WDR36: variants seen among roughly 807,000 people sequenced by gnomAD.
WDR36 encodes the protein WD repeat-containing protein 36.
In WDR36, 63 loss-of-function variants were observed where a neutral mutation model predicts 112.7. That is an observed-to-expected ratio of 0.56 (90% CI 0.46 to 0.69). The LOEUF is 0.69. Ranked by LOEUF, WDR36 falls within the 30% of genes least tolerant of loss-of-function variation. The probability of loss-of-function intolerance (pLI) is 0.00; values close to 1 mark genes in which losing one functional copy is unlikely to be tolerated. For synonymous variants in WDR36, 410 were observed against 362.2 expected, an observed-to-expected ratio of 1.13 and a Z score of -1.50; for missense variants, 1,226 against 1,070.3, an observed-to-expected ratio of 1.15 and a Z score of -2.03.
chr5:111,129,367 A>G lies in WDR36; in HGVS notation c.*2484A>G, dbSNP rs1753741035. On this transcript the variant is annotated 3_prime_UTR_variant, in exon 23 of 23. Transcript: ENST00000513710. ...AAGTTACAGTTCCCCTGAGCAAGAT[A>G]TGAGCATCTGCTTCCCCATGTAATT... 5.2e-6 allele frequency: 1 copy of G among 192,766 alleles called. No individual in the cohort carries two copies. The highest frequency in any genetic ancestry group is 1.9e-4 in the South Asian group (1 of 5,176). 11.9% of individuals were successfully genotyped at this position (192,766 alleles called of 1,614,324 possible). A position where few individuals can be genotyped will look rare whatever the true frequency, so the allele number is the denominator to read the frequency against.
chr5:111,117,216 C>T (rs1335837532), intron 16 of WDR36, among the ~76,000 whole-genome samples: 1 of 152,198 alleles, frequency 6.6e-6, no homozygotes, highest in Non-Finnish European at 1.5e-5. Context: ...GACAATTAAA[C>T]AGCAGTCCTT....
intron 1 of WDR36, among the ~76,000 whole-genome samples, chr5:111,093,197 TTAAAG>T (rs1286938593): frequency 1.3e-5 from 2 of 152,242 alleles, no homozygotes; most frequent in African/African-American, 2.4e-5. Context: ...ATATAATCTA[TTAAAG>T]TAAATTTCAG....
intron 14 of WDR36, 31 bp from the exon 15 acceptor site, chr5:111,111,139 T>A (rs756967516): frequency 4.1e-5 from 66 of 1,603,878 alleles, no homozygotes; most frequent in Non-Finnish European, 4.4e-5. Context: ...GGGTTTTTTG[T>A]TTATTAAAAC....
At position 111,104,340 on chromosome 5, in the gene WDR36, C is replaced by T. The variant is rs1350813234; in HGVS notation, c.894C>T (p.Asp298=). 6.2e-7 allele frequency: 1 copy of T among 1,611,786 alleles called. No homozygotes were observed. The change falls in exon 8 of 23, where the codon GAC becomes GAT. Residue 298 remains aspartate (D), a synonymous_variant. Transcript: ENST00000513710. ...CACTTCTTGTCACAAATGGCGCTGACAATGCTCTTAGGGTATTATGATTAT... is the reference window on the plus strand; with the variant it reads ...CACTTCTTGTCACAAATGGCGCTGATAATGCTCTTAGGGTATTATGATTAT... The part of the protein sequence containing the change: ...REPLLVTNGA[D]NALRIWIFDG...
intron 7 of WDR36, 63 bp downstream of exon 7, chr5:111,103,981 C>T: frequency 1.9e-6 from 3 of 1,590,720 alleles, no homozygotes; most frequent in Non-Finnish European, 2.6e-6. Context: ...CTTTAAAAGT[C>T]AATTTTTTTT....
chr5:111,125,937 TC>T, intron 22 of WDR36, 142 bp downstream of exon 22: 1 of 763,044 alleles, frequency 1.3e-6, no homozygotes, highest in South Asian at 1.6e-5. Flanking sequence ...GCTATTGAGT[TC>T]TTGAAATGTA....
At chr5:111,099,709 T>C (rs1023458595) in intron 4 of WDR36, among the ~76,000 whole-genome samples, 1 of 151,988 alleles carries the variant, frequency 6.6e-6, no homozygotes, top group Non-Finnish European at 1.5e-5. Context: ...GAGCCATTTG[T>C]AGTGACTGAC....
intron 1 of WDR36, among the ~76,000 whole-genome samples, chr5:111,092,910 G>A (rs778944663): frequency 2.0e-5 from 3 of 152,216 alleles, no homozygotes; most frequent in Non-Finnish European, 1.5e-5. Flanking sequence ...TTCCCTTGAA[G>A]GTGGAAACAT....
chr5:111,104,917 C>T, intron 9 of WDR36, 100 bp downstream of exon 9: 2 of 1,558,280 alleles, frequency 1.3e-6, no homozygotes, highest in Non-Finnish European at 1.8e-6. Flanking sequence ...ATTCACATAT[C>T]TCTTTGAGTG....
At chr5:111,106,244 TTAA>T (rs1753219569) in intron 11 of WDR36, 101 bp downstream of exon 11, 2 of 1,094,726 alleles carry the variant, frequency 1.8e-6, no homozygotes, top group African/African-American at 3.1e-5. Flanking sequence ...TTTACAAATA[TTAA>T]TAAGCATTCA....
At chr5:111,103,505 T>G (rs1340806801) in intron 6 of WDR36, among the ~76,000 whole-genome samples, 2 of 151,762 alleles carry the variant, frequency 1.3e-5, no homozygotes, top group African/African-American at 2.4e-5. Flanking sequence ...CTGTTGTGGT[T>G]GTTTTCTTTC....
intron 6 of WDR36, 105 bp from the exon 7 acceptor site, chr5:111,103,681 T>G: frequency 7.1e-7 from 1 of 1,418,188 alleles, no homozygotes; most frequent in Non-Finnish European, 9.8e-7. Context: ...TTTTAGAAGA[T>G]ACTTCATTAT....
Position 111,127,302 on chromosome 5 carries a change from G to T in WDR36, c.*419G>T. ...TATGATTTTTAAAAAATTATTACCT[G>T]CTTATATTTTTTGAGTATCTGTTTC... On this transcript the variant is annotated 3_prime_UTR_variant, in exon 23 of 23. Transcript: ENST00000513710. 4.8e-6 allele frequency: 1 copy of T among 209,622 alleles called. No homozygotes were observed. The highest frequency in any genetic ancestry group is 9.7e-6 in the Non-Finnish European group (1 of 103,254). The allele number at this position is 209,622 out of a possible 1,614,324, so 13.0% of individuals were successfully genotyped here. A position where few individuals can be genotyped will look rare whatever the true frequency, so the allele number is the denominator to read the frequency against.
At chr5:111,124,596 A>G (rs1360086164) in intron 21 of WDR36, among the ~76,000 whole-genome samples, 1 of 152,134 alleles carries the variant, frequency 6.6e-6, no homozygotes, top group Non-Finnish European at 1.5e-5. Context: ...GTGATTTCAT[A>G]TATTCCTAAA....
At chr5:111,106,667 A>C (rs183701697) in intron 11 of WDR36, among the ~76,000 whole-genome samples, 1 of 151,606 alleles carries the variant, frequency 6.6e-6, no homozygotes, top group East Asian at 1.9e-4. Context: ...CTGTTTTCTC[A>C]GAGCTTGAGT....
At chr5:111,120,741 G>A (rs1046347545) in intron 18 of WDR36, 148 bp downstream of exon 18, 2 of 778,020 alleles carry the variant, frequency 2.6e-6, no homozygotes, top group Non-Finnish European at 4.3e-6. Flanking sequence ...ATGAATTTAT[G>A]CAAAAATATA....
At chr5:111,099,505 G>A (rs1331223301) in intron 4 of WDR36, among the ~76,000 whole-genome samples, 1 of 98,340 alleles carries the variant, frequency 1.0e-5, no homozygotes, top group Non-Finnish European at 2.0e-5. Flanking sequence ...CCTGAAGATT[G>A]CATTTCTGGG....
chr5:111,104,032 G>T, intron 7 of WDR36, 114 bp downstream of exon 7: 1 of 1,433,810 alleles, frequency 7.0e-7, no homozygotes, highest in Non-Finnish European at 9.5e-7. Flanking sequence ...AATGAATACT[G>T]GAGTAAAAGG....
At position 111,113,125 on chromosome 5, in the gene WDR36, A is replaced by T. The variant is rs562223310; in HGVS notation, c.1768A>T (p.Ile590Phe). The change falls in exon 16 of 23, where the codon ATT becomes TTT. Residue 590 changes from isoleucine (I) to phenylalanine (F), a missense_variant. Transcript: ENST00000513710. Reference protein sequence around the residue: ...WLISAAMDCSIRTWDLPSGCL... With the variant: ...WLISAAMDCSFRTWDLPSGCL... ...AATAAGTGCTGCGATGGATTGCTCT[A>T]TTAGGACTTGGGACCTTCCTTCTGG... 6.3e-7 allele frequency: 1 copy of T among 1,588,186 alleles called. No individual in the cohort carries two copies. The highest frequency in any genetic ancestry group is 8.6e-7 in the Non-Finnish European group (1 of 1,165,352).
Sources: allele counts gnomAD v4.1 joint callset (sites outside exome capture counted in the v4.1 genomes callset), GRCh38; gene constraint gnomAD v4.1.1; transcripts MANE v1.5; gene names NCBI Gene and HGNC (gene_info 2026-07-23, HGNC 2026-07-21).